ZNF407: variants seen among roughly 807,000 people sequenced by gnomAD.
ZNF407 encodes the protein zinc finger protein 407.
ZNF407 carries 17 observed loss-of-function variants against 131.2 expected under a neutral mutation model. The ratio of observed to expected loss-of-function variants is 0.13; its 90% CI spans 0.09 to 0.19. The LOEUF is 0.19. Among genes scored for constraint, ZNF407 ranks in the 10% least tolerant of loss-of-function variants. The probability of loss-of-function intolerance (pLI) is 1.00; values close to 1 mark genes in which losing one functional copy is unlikely to be tolerated. For missense variants in ZNF407, 2,681 were observed against 2,830.6 expected (o/e 0.95, Z 1.20); for synonymous variants, 1,156 against 1,062.0 (o/e 1.09, Z -1.72).
At chr18:74,981,712 A>T (rs958753687) in intron 8 of ZNF407, among the ~76,000 whole-genome samples, 6 of 152,196 alleles carry the variant, frequency 3.9e-5, no homozygotes, top group African/African-American at 1.4e-4. Context: ...AGCCACACAC[A>T]TGGAGACCCA....
At chr18:74,717,538 C>T (rs1415784519) in intron 3 of ZNF407, among the ~76,000 whole-genome samples, 2 of 152,130 alleles carry the variant, frequency 1.3e-5, no homozygotes, top group Admixed American at 1.3e-4. Flanking sequence ...AGATCAGTTT[C>T]TTTCGATAGC....
chr18:74,937,718 C>T (rs140612525), intron 8 of ZNF407, among the ~76,000 whole-genome samples: 1 of 152,176 alleles, frequency 6.6e-6, no homozygotes, highest in East Asian at 1.9e-4. Flanking sequence ...ATATGTCTAC[C>T]ATATTTTATA....
intron 8 of ZNF407, among the ~76,000 whole-genome samples, chr18:75,053,225 G>A (rs1348207600): frequency 6.6e-6 from 1 of 152,178 alleles, no homozygotes; most frequent in South Asian, 2.1e-4. Context: ...CCTTAGTGCC[G>A]GCCGCACCCA....
At chr18:75,062,077 C>A (rs1482252692) in intron 8 of ZNF407, 1 of 152,248 alleles carries the variant, frequency 6.6e-6, no homozygotes, top group African/African-American at 2.4e-5. Flanking sequence ...ACCTATTCTC[C>A]TAACAGCCCG....
At chr18:74,951,163 G>A (rs1310577945) in intron 8 of ZNF407, among the ~76,000 whole-genome samples, 2 of 152,138 alleles carry the variant, frequency 1.3e-5, no homozygotes. Context: ...GCCTCCAAAT[G>A]TTCAAATGTA....
chr18:75,021,496 C>A (rs1198261337), intron 8 of ZNF407, among the ~76,000 whole-genome samples: 2 of 152,060 alleles, frequency 1.3e-5, no homozygotes, highest in South Asian at 2.1e-4. Context: ...TCTCAAACTC[C>A]TGACATCAAG....
intron 8 of ZNF407, among the ~76,000 whole-genome samples, chr18:74,924,152 CT>C (rs1283906569): frequency 6.6e-6 from 1 of 152,138 alleles, no homozygotes; most frequent in Non-Finnish European, 1.5e-5. Flanking sequence ...GATAAAACAA[CT>C]CTATGATCTT....
At chr18:74,955,351 TGA>T (rs1395111747) in intron 8 of ZNF407, among the ~76,000 whole-genome samples, 1 of 152,010 alleles carries the variant, frequency 6.6e-6, no homozygotes, top group Non-Finnish European at 1.5e-5. Flanking sequence ...ACCTGGGAAT[TGA>T]GAGAGTTCAA....
intron 7 of ZNF407, among the ~76,000 whole-genome samples, chr18:74,910,963 G>T (rs1307241774): frequency 6.6e-6 from 1 of 152,106 alleles, no homozygotes; most frequent in Non-Finnish European, 1.5e-5. Flanking sequence ...GATCCTCATA[G>T]ACCTGGTGCT....
intron 3 of ZNF407, among the ~76,000 whole-genome samples, chr18:74,710,157 A>G (rs998629639): frequency 2.0e-5 from 3 of 152,210 alleles, no homozygotes; most frequent in African/African-American, 7.2e-5. Context: ...TAGCTTTAAA[A>G]CAATATTTAA....
chr18:74,603,010 C>G (rs1982649066), intron 1 of ZNF407, among the ~76,000 whole-genome samples: 1 of 152,104 alleles, frequency 6.6e-6, no homozygotes, highest in African/African-American at 2.4e-5. Context: ...CTGAGGCTCC[C>G]AGGCAGCCCG....
intron 3 of ZNF407, among the ~76,000 whole-genome samples, chr18:74,651,439 C>T (rs972180733): frequency 1.3e-5 from 2 of 151,978 alleles, no homozygotes; most frequent in African/African-American, 2.4e-5. Flanking sequence ...AATTTCAGCC[C>T]GGTTTTGAAG....
At chr18:75,002,686 T>C (rs1164918106) in intron 8 of ZNF407, among the ~76,000 whole-genome samples, 2 of 151,694 alleles carry the variant, frequency 1.3e-5, no homozygotes, top group African/African-American at 4.9e-5. Context: ...GCGCCTGTAG[T>C]CCCAGCTACT....
At chr18:74,650,642 G>A (rs1599041345) in intron 3 of ZNF407, among the ~76,000 whole-genome samples, 2 of 152,200 alleles carry the variant, frequency 1.3e-5, no homozygotes, top group East Asian at 1.9e-4. Context: ...GACTTTGCAG[G>A]TTCTCTTTGT....
intron 8 of ZNF407, among the ~76,000 whole-genome samples, chr18:75,037,536 C>T (rs1193786725): frequency 6.6e-6 from 1 of 151,380 alleles, no homozygotes; most frequent in Non-Finnish European, 1.5e-5. Flanking sequence ...CTGCCGCCGC[C>T]GAAAATAAAG....
chr18:74,688,110 G>C (rs138702741), intron 3 of ZNF407, among the ~76,000 whole-genome samples: 63 of 152,258 alleles, frequency 4.1e-4, no homozygotes, highest in African/African-American at 1.2e-3. Context: ...GGAATACAAA[G>C]TTCCATATAG....
rs568108187 is a variant in ZNF407, at chr18:74,665,756, C to T, written c.4802+24634C>T. Reference sequence around the variant, plus strand: ...GCACTTCAGGAAGTGCGCCGTTCTACGCCTTGGAAGCCCCCACATGCTGCC... The same window carrying T: ...GCACTTCAGGAAGTGCGCCGTTCTATGCCTTGGAAGCCCCCACATGCTGCC... On this transcript the variant is annotated intron_variant, in intron 3 of 8. Transcript: ENST00000299687. Among the ~76,000 whole-genome samples, 16 of 152,298 alleles carry T rather than the reference C, an allele frequency of 1.1e-4. No individual in the cohort carries two copies. In the South Asian group the frequency reaches 2.5e-3, roughly 24 times the overall value.
At chr18:74,975,432 T>G (rs535525950) in intron 8 of ZNF407, among the ~76,000 whole-genome samples, 1 of 152,344 alleles carries the variant, frequency 6.6e-6, no homozygotes, top group South Asian at 2.1e-4. Flanking sequence ...TTAGTGATAA[T>G]TGTATTTACC....
chr18:74,707,096 A>G (rs758716221), intron 3 of ZNF407, among the ~76,000 whole-genome samples: 4 of 152,034 alleles, frequency 2.6e-5, no homozygotes, highest in African/African-American at 7.2e-5. Context: ...GATTACAGTT[A>G]TACGATACCA....
Sources: allele counts gnomAD v4.1 joint callset (sites outside exome capture counted in the v4.1 genomes callset), GRCh38; gene constraint gnomAD v4.1.1; transcripts MANE v1.5; gene names NCBI Gene and HGNC (gene_info 2026-07-23, HGNC 2026-07-21).